ERC1: variants seen among roughly 807,000 people sequenced by gnomAD.
The protein encoded by ERC1 is ELKS/RAB6-interacting/CAST family member 1.
In ERC1, 56 loss-of-function variants were observed where a neutral mutation model predicts 132.0. The ratio of observed to expected loss-of-function variants is 0.42; its 90% confidence interval spans 0.34 to 0.53. The LOEUF (loss-of-function observed/expected upper bound fraction) is 0.53. Among genes scored for constraint, ERC1 ranks in the 20% least tolerant of loss-of-function variants. The pLI is 0.03. For synonymous variants in ERC1, 478 were observed against 476.1 expected (o/e 1.00, Z -0.05); for missense variants, 1,202 against 1,349.9 (o/e 0.89, Z 1.72).
chr12:1,467,831 A>AC (rs1287175009), intron 18 of ERC1, among the ~76,000 whole-genome samples: 1 of 152,220 alleles, frequency 6.6e-6, no homozygotes, highest in Non-Finnish European at 1.5e-5. Flanking sequence ...TCTCATAAGG[A>AC]GCACGCGGCC....
At chr12:1,168,121 G>GAAATACACA (rs1952627864) in intron 8 of ERC1, among the ~76,000 whole-genome samples, 1 of 151,924 alleles carries the variant, frequency 6.6e-6, no homozygotes, top group African/African-American at 2.4e-5. Flanking sequence ...CAGCAAATTT[G>GAAATACACA]GTATTTTTAT....
chr12:1,016,713 C>CGATCT, intron 1 of ERC1, among the ~76,000 whole-genome samples: 1 of 146,864 alleles, frequency 6.8e-6, no homozygotes. Flanking sequence ...GGTGCGATCT[C>CGATCT]GATCTCGGCT....
chr12:999,282 G>GT, intron 1 of ERC1, among the ~76,000 whole-genome samples: 1 of 152,184 alleles, frequency 6.6e-6, no homozygotes, highest in South Asian at 2.1e-4. Flanking sequence ...TATGTCTTCA[G>GT]TTTTTACCTC....
At chr12:1,396,309 A>G (rs1469554744) in intron 16 of ERC1, among the ~76,000 whole-genome samples, 1 of 152,194 alleles carries the variant, frequency 6.6e-6, no homozygotes, top group Non-Finnish European at 1.5e-5. Context: ...AAAATGTTAG[A>G]CTCATTGCCA....
chr12:1,308,109 C>T (rs2081015999), intron 15 of ERC1, among the ~76,000 whole-genome samples: 1 of 152,116 alleles, frequency 6.6e-6, no homozygotes. Context: ...GGGCAGTGTC[C>T]TAACCTCTGA....
chr12:1,138,186 CATA>C (rs1566059994), intron 7 of ERC1, among the ~76,000 whole-genome samples: 1 of 102,276 alleles, frequency 9.8e-6, no homozygotes, highest in African/African-American at 5.0e-5. Flanking sequence ...TAATATATAT[CATA>C]TATAATTATA....
intron 12 of ERC1, among the ~76,000 whole-genome samples, chr12:1,204,756 A>G (rs1330490389): frequency 6.6e-6 from 1 of 152,164 alleles, no homozygotes; most frequent in Non-Finnish European, 1.5e-5. Flanking sequence ...CTGAGAGAGA[A>G]GTGGAGATGA....
At chr12:1,319,358 C>T (rs1057174713) in intron 15 of ERC1, among the ~76,000 whole-genome samples, 6 of 152,152 alleles carry the variant, frequency 3.9e-5, no homozygotes, top group Non-Finnish European at 5.9e-5. Context: ...TGCTTTCCTT[C>T]GTATACCAAA....
At chr12:1,038,368 CT>C (rs139382077) in intron 2 of ERC1, among the ~76,000 whole-genome samples, 28 of 146,794 alleles carry the variant, frequency 1.9e-4, no homozygotes, top group African/African-American at 1.2e-4. Context: ...ATAGTTTTTT[CT>C]TTTTTTTTTT....
chr12:1,489,273 T>G (rs1039492547), intron 18 of ERC1, among the ~76,000 whole-genome samples: 2 of 152,228 alleles, frequency 1.3e-5, no homozygotes, highest in African/African-American at 4.8e-5. Flanking sequence ...AGACGGACTC[T>G]AGTCAGCTCT....
intron 11 of ERC1, among the ~76,000 whole-genome samples, chr12:1,184,578 T>C (rs964867870): frequency 6.6e-6 from 1 of 152,202 alleles, no homozygotes; most frequent in Non-Finnish European, 1.5e-5. Context: ...GAGTAGGAAA[T>C]GACTGGTCTT....
intron 12 of ERC1, among the ~76,000 whole-genome samples, chr12:1,191,434 A>T (rs550780185): frequency 6.6e-6 from 1 of 152,298 alleles, no homozygotes; most frequent in East Asian, 1.9e-4. Context: ...CTTTTGATTG[A>T]TTAGTGACTT....
intron 2 of ERC1, among the ~76,000 whole-genome samples, chr12:1,073,320 G>T (rs1265110562): frequency 6.6e-6 from 1 of 151,140 alleles, no homozygotes; most frequent in Non-Finnish European, 1.5e-5. Context: ...TTAAAAAAAT[G>T]TTTTTTTCAG....
intron 16 of ERC1, among the ~76,000 whole-genome samples, chr12:1,405,630 G>T (rs1253318784): frequency 6.6e-6 from 1 of 152,210 alleles, no homozygotes; most frequent in African/African-American, 2.4e-5. Context: ...TTGAACCCAG[G>T]AGGCAGAGGT....
chr12:1,493,548 A>AAAAAATATATATATATAT lies in ERC1; in HGVS notation c.*3319_*3320insAAAATATATATATATATA, dbSNP rs56939346. On this transcript the variant is annotated 3_prime_UTR_variant, in exon 19 of 19. Coordinates refer to ENST00000360905, the MANE Select transcript of ERC1 (RefSeq NM_178040.4). Reference sequence around the variant, plus strand: ...ACTCCATTTAAAAAAAAAAAAAAAAAATATATATATATATATATATATATA... The same window carrying AAAAAATATATATATATAT: ...ACTCCATTTAAAAAAAAAAAAAAAAAAAAAATATATATATATATATATATATATATATATATATATATA... 3.7e-4 allele frequency: 5 copies of AAAAAATATATATATATAT among 13,622 alleles called. No homozygotes were observed. The highest frequency in any genetic ancestry group is 4.4e-4 in the African/African-American group (2 of 4,564). 0.8% of individuals were successfully genotyped at this position (13,622 alleles called of 1,614,324 possible).
intron 14 of ERC1, among the ~76,000 whole-genome samples, chr12:1,281,426 A>G (rs906827238): frequency 2.0e-5 from 3 of 152,210 alleles, no homozygotes; most frequent in African/African-American, 7.2e-5. Context: ...TTCATTTCCT[A>G]AATTAGACAT....
chr12:1,428,352 TAC>T (rs2092699025), intron 17 of ERC1, among the ~76,000 whole-genome samples: 1 of 152,230 alleles, frequency 6.6e-6, no homozygotes, highest in Admixed American at 6.5e-5. Context: ...GTATGTTATT[TAC>T]AGTTTTCTGC....
intron 16 of ERC1, among the ~76,000 whole-genome samples, chr12:1,390,317 A>G (rs529686748): frequency 6.6e-6 from 1 of 152,312 alleles, no homozygotes; most frequent in South Asian, 2.1e-4. Flanking sequence ...TTTCTAGGAC[A>G]GTGTAACCCA....
chr12:996,121 C>G (rs1960803798), intron 1 of ERC1, among the ~76,000 whole-genome samples: 1 of 148,950 alleles, frequency 6.7e-6, no homozygotes, highest in African/African-American at 2.5e-5. Context: ...TGGAGTCTCT[C>G]TTTGTTGCCC....
Sources: gnomAD v4.1 joint callset for allele counts (sites outside exome capture counted in the v4.1 genomes callset) on GRCh38, gnomAD v4.1.1 for gene constraint, MANE v1.5 for transcripts, NCBI Gene and HGNC (gene_info 2026-07-23, HGNC 2026-07-21) for gene names.